The following CRYL1 variants were observed in gnomAD, a reference collection of about 807,000 sequenced individuals.
The protein encoded by CRYL1 is lambda-crystallin homolog.
A neutral mutation model predicts 36.6 loss-of-function variants in CRYL1; 29 were observed. The ratio of observed to expected loss-of-function variants is 0.79; its 90% CI spans 0.59 to 1.08. CRYL1 has a LOEUF of 1.08. Among genes scored for constraint, CRYL1 ranks in the 50% least tolerant of loss-of-function variants. The pLI is 0.00. For missense variants in CRYL1, 411 were observed against 407.9 expected (o/e 1.01, Z -0.06); for synonymous variants, 152 against 151.5 (o/e 1.00, Z -0.02).
At chr13:20,443,363 T>C (rs2032387212) in intron 3 of CRYL1, among the ~76,000 whole-genome samples, 1 of 152,180 alleles carries the variant, frequency 6.6e-6, no homozygotes, top group African/African-American at 2.4e-5. Flanking sequence ...TTGTTGTTTT[T>C]AAATCCACCC....
intron 3 of CRYL1, among the ~76,000 whole-genome samples, chr13:20,478,611 G>A (rs2033211187): frequency 6.6e-6 from 1 of 152,170 alleles, no homozygotes; most frequent in African/African-American, 2.4e-5. Flanking sequence ...AAGCAGCTGG[G>A]ATCACAGGCA....
At chr13:20,514,524 AATG>A (rs1289778249) in intron 1 of CRYL1, among the ~76,000 whole-genome samples, 1 of 152,208 alleles carries the variant, frequency 6.6e-6, no homozygotes, top group Non-Finnish European at 1.5e-5. Flanking sequence ...TCAAAAGAGA[AATG>A]ATTATTGTAA....
At chr13:20,442,868 T>C (rs963134071) in intron 3 of CRYL1, among the ~76,000 whole-genome samples, 2 of 152,208 alleles carry the variant, frequency 1.3e-5, no homozygotes, top group Admixed American at 6.5e-5. Flanking sequence ...CATGCCCTGA[T>C]TTTGACAAAT....
intron 5 of CRYL1, among the ~76,000 whole-genome samples, chr13:20,416,642 A>G (rs66553373): frequency 0.05 from 7,648 of 152,310 alleles, 463 homozygotes; most frequent in African/African-American, 0.13. Context: ...GCAAACATGG[A>G]AGCCACCCTA....
intron 2 of CRYL1, among the ~76,000 whole-genome samples, chr13:20,493,859 GCTGA>G (rs1050971826): frequency 2.0e-5 from 3 of 152,170 alleles, no homozygotes; most frequent in African/African-American, 4.8e-5. Flanking sequence ...AGAGCCACTG[GCTGA>G]CTATCAGAGG....
intron 3 of CRYL1, among the ~76,000 whole-genome samples, chr13:20,449,188 A>AAAAT (rs1358680049): frequency 6.6e-5 from 10 of 152,322 alleles, no homozygotes; most frequent in African/African-American, 2.2e-4. Flanking sequence ...AATTGAAGGT[A>AAAAT]AAATAAATGT....
intron 2 of CRYL1, among the ~76,000 whole-genome samples, chr13:20,512,223 CA>C (rs1326985700): frequency 6.6e-6 from 1 of 152,244 alleles, no homozygotes; most frequent in Non-Finnish European, 1.5e-5. Flanking sequence ...ATCCTCTTAG[CA>C]AGAAGGGTCA....
intron 2 of CRYL1, among the ~76,000 whole-genome samples, chr13:20,495,968 T>C (rs1465864146): frequency 6.6e-6 from 1 of 152,174 alleles, no homozygotes; most frequent in African/African-American, 2.4e-5. Flanking sequence ...CAACTGATTT[T>C]TGTATTTTTT....
intron 3 of CRYL1, among the ~76,000 whole-genome samples, chr13:20,473,598 G>A (rs1193657691): frequency 6.6e-6 from 1 of 152,204 alleles, no homozygotes; most frequent in African/African-American, 2.4e-5. Context: ...GGGGCTTCAC[G>A]GAGCCCACCG....
At chr13:20,439,465 G>A (rs1200766593) in intron 4 of CRYL1, 128 bp downstream of exon 4, 19 of 751,564 alleles carry the variant, frequency 2.5e-5, no homozygotes, top group Admixed American at 9.6e-5. Flanking sequence ...CAATAAAGCC[G>A]TTTAAAAGAC....
At chr13:20,492,794 T>C (rs1401928003) in intron 2 of CRYL1, among the ~76,000 whole-genome samples, 1 of 152,198 alleles carries the variant, frequency 6.6e-6, no homozygotes, top group East Asian at 1.9e-4. Flanking sequence ...TGCAGGTATA[T>C]TGTTCTGAGG....
chr13:20,462,221 G>C (rs1386012502), intron 3 of CRYL1, among the ~76,000 whole-genome samples: 4 of 149,618 alleles, frequency 2.7e-5, no homozygotes, highest in African/African-American at 9.9e-5. Context: ...GCAGGAGGAG[G>C]GCCTGGTGGG....
chr13:20,410,803 C>T (rs1390840439), intron 6 of CRYL1, among the ~76,000 whole-genome samples: 1 of 152,164 alleles, frequency 6.6e-6, no homozygotes, highest in Non-Finnish European at 1.5e-5. Flanking sequence ...CCCCATTTCA[C>T]AGATGGGGAA....
rs1283685751 is a variant in CRYL1 at position 20,425,946 on chromosome 13, G to A, written c.633+6156C>T. The stretch of plus-strand genomic sequence containing the variant: ...CTACAATCAGCTATACGGGAGTGCT[G>A]TTTCTGGGTGTCCCTCCTGAGGGAC... On this transcript the variant is annotated intron_variant, in intron 5 of 7. Transcript: ENST00000298248. The surrounding 1 kb of genome is among the most constrained non-coding windows in gnomAD (Gnocchi z 4.4). Among the ~76,000 whole-genome samples the A allele has an allele frequency of 6.6e-6, 1 of 152,168 alleles. No homozygotes were observed. Among genetic ancestry groups the A allele is most frequent in the East Asian group, 1.9e-4 (1 of 5,196 alleles).
chr13:20,473,215 T>C (rs893552168), intron 3 of CRYL1: 1 of 152,246 alleles, frequency 6.6e-6, no homozygotes, highest in African/African-American at 2.4e-5. Flanking sequence ...TAAACAGTAA[T>C]GTACAGCCAC....
At chr13:20,496,641 TG>T (rs2033608898) in intron 2 of CRYL1, among the ~76,000 whole-genome samples, 1 of 151,250 alleles carries the variant, frequency 6.6e-6, no homozygotes, top group Non-Finnish European at 1.5e-5. Flanking sequence ...CCTGGTGTGG[TG>T]GCTTACACCC....
intron 2 of CRYL1, among the ~76,000 whole-genome samples, chr13:20,497,731 CACAT>C (rs1232069830): frequency 2.0e-5 from 3 of 149,510 alleles, no homozygotes; most frequent in South Asian, 2.2e-4. Context: ...AAACACACAC[CACAT>C]ACATACAACT....
chr13:20,497,370 A>G (rs2033626483), intron 2 of CRYL1, among the ~76,000 whole-genome samples: 1 of 125,318 alleles, frequency 8.0e-6, no homozygotes, highest in African/African-American at 3.2e-5. Flanking sequence ...ACACACAACT[A>G]CACACACCGC....
intron 4 of CRYL1, among the ~76,000 whole-genome samples, chr13:20,436,211 A>G (rs1395385263): frequency 6.6e-6 from 1 of 152,044 alleles, no homozygotes; most frequent in African/African-American, 2.4e-5. Context: ...CCCCCTTCCC[A>G]AGCAGGCCTG....
Sources: allele counts gnomAD v4.1 joint callset (sites outside exome capture counted in the v4.1 genomes callset), GRCh38; gene constraint gnomAD v4.1.1; non-coding constraint Gnocchi (gnomAD v3.1); transcripts MANE v1.5; gene names NCBI Gene and HGNC (gene_info 2026-07-23, HGNC 2026-07-21).